The following PGM2 variants were observed in gnomAD, a reference collection of about 807,000 sequenced individuals.
PGM2 encodes phosphoglucomutase 2.
A neutral mutation model predicts 74.6 loss-of-function variants in PGM2; 57 were observed. The observed-to-expected ratio is 0.76, with a 90% CI of 0.62 to 0.95. The LOEUF (loss-of-function observed/expected upper bound fraction) is 0.95, where lower values mean the gene tolerates loss of function less well. PGM2 is among the 40% of genes least tolerant of loss of function. PGM2 has a pLI of 0.00. For synonymous variants in PGM2, 273 were observed against 260.7 expected, an observed-to-expected ratio of 1.05 and a Z score of -0.46; for missense variants, 706 against 741.9, an observed-to-expected ratio of 0.95 and a Z score of 0.56.
At chr4:37,836,086 G>A (rs1485517870) in intron 3 of PGM2, among the ~76,000 whole-genome samples, 2 of 152,228 alleles carry the variant, frequency 1.3e-5, no homozygotes, top group Admixed American at 6.5e-5. Context: ...GCTGAGCTGC[G>A]TAAATTTCTT....
intron 12 of PGM2, among the ~76,000 whole-genome samples, chr4:37,854,415 A>G (rs1726135160): frequency 6.6e-6 from 1 of 151,860 alleles, no homozygotes; most frequent in Admixed American, 6.6e-5. Context: ...CAGTGGCGCA[A>G]TCTCGGCTCA....
chr4:37,853,391 C>T (rs1274293592), intron 12 of PGM2, among the ~76,000 whole-genome samples: 2 of 126,560 alleles, frequency 1.6e-5, no homozygotes, highest in African/African-American at 6.2e-5. Context: ...TTAATGTAAA[C>T]AATATCTTAC....
chr4:37,845,802 G>A lies in PGM2; in HGVS notation c.1007+72G>A, dbSNP rs570447954. On this transcript the variant is annotated intron_variant, in intron 8 of 13. Coordinates refer to ENST00000381967, the MANE Select transcript of PGM2 (RefSeq NM_018290.4). Reference sequence around the variant, plus strand: ...ATCTCTTCATTGGTAAAATGTTTCTGGGGAGACGGGACCTATTTGGAAACA... The same window carrying A: ...ATCTCTTCATTGGTAAAATGTTTCTAGGGAGACGGGACCTATTTGGAAACA... The A allele has an allele frequency of 1.1e-4, 112 of 978,662 alleles. No individual in the cohort carries two copies. In the African/African-American group the frequency reaches 1.5e-3, roughly 13 times the overall value. 60.6% of individuals were successfully genotyped at this position (978,662 alleles called of 1,614,324 possible).
intron 10 of PGM2, among the ~76,000 whole-genome samples, chr4:37,848,247 T>C (rs1394852090): frequency 6.6e-6 from 1 of 152,218 alleles, no homozygotes; most frequent in Non-Finnish European, 1.5e-5. Flanking sequence ...CTAGGACAAT[T>C]AGAAACAATT....
chr4:37,843,601 A>T (rs970560002), intron 6 of PGM2, among the ~76,000 whole-genome samples: 4 of 147,490 alleles, frequency 2.7e-5, no homozygotes, highest in Non-Finnish European at 5.9e-5. Flanking sequence ...TTATTTATTT[A>T]TTATTATTAT....
Position 37,830,136 on chromosome 4 carries a change from C to T in PGM2, c.249+5C>T, listed in dbSNP as rs1246234807. ...ACCATCATCCAGACTACACAGGTACCATGTTTTTTATAATTCTTAGTAACT... is the reference window on the plus strand; with the variant it reads ...ACCATCATCCAGACTACACAGGTACTATGTTTTTTATAATTCTTAGTAACT... On this transcript the variant is annotated splice_donor_5th_base_variant and intron_variant, in intron 2 of 13. Transcript: ENST00000381967. The T allele has an allele frequency of 1.3e-6, 2 of 1,529,768 alleles. No homozygotes were observed. The highest frequency in any genetic ancestry group is 1.8e-6 in the Non-Finnish European group (2 of 1,139,400). The allele number at this position is 1,529,768 out of a possible 1,614,324, so 94.8% of individuals were successfully genotyped here. A position where few individuals can be genotyped will look rare whatever the true frequency, so the allele number is the denominator to read the frequency against.
intron 1 of PGM2, among the ~76,000 whole-genome samples, chr4:37,828,838 CT>C (rs1281866539): frequency 1.3e-5 from 2 of 152,142 alleles, no homozygotes; most frequent in Non-Finnish European, 2.9e-5. Context: ...CTGAGCCTTT[CT>C]TTGGGGCACC....
At position 37,855,676 on chromosome 4, in the gene PGM2, G is replaced by A. The variant is rs1275297234; in HGVS notation, c.1671G>A (p.Met557Ile). The A allele has an allele frequency of 2.5e-6, 4 of 1,613,788 alleles. No homozygotes were observed. The highest frequency in any genetic ancestry group is 2.7e-5 in the African/African-American group (2 of 74,926). ...TTGCTAATGGAGGCGTGGCCACCAT[G>A]CGCACCAGTGGGACAGAGCCCAAAA... ...FTFANGGVATMRTSGTEPKIK... is the reference protein window; with the variant it reads ...FTFANGGVATIRTSGTEPKIK... The change falls in exon 13 of 14, where the codon ATG becomes ATA. Residue 557 changes from methionine to isoleucine, a missense_variant. Met to Ile is a conservative substitution (Grantham distance 10). Transcript: ENST00000381967.
intron 13 of PGM2, among the ~76,000 whole-genome samples, chr4:37,858,042 A>G (rs1418080089): frequency 6.6e-6 from 1 of 152,112 alleles, no homozygotes. Flanking sequence ...TCTGATGAAA[A>G]TATATCTTAT....
At chr4:37,858,300 C>G (rs939013597) in intron 13 of PGM2, among the ~76,000 whole-genome samples, 4 of 151,950 alleles carry the variant, frequency 2.6e-5, no homozygotes, top group Non-Finnish European at 5.9e-5. Flanking sequence ...AAGGCACCAG[C>G]ATACCTAACG....
Position 37,848,506 on chromosome 4 carries a change from A to G in PGM2, c.1283-16A>G, listed in dbSNP as rs1266193648. On this transcript the variant is annotated splice_polypyrimidine_tract_variant and intron_variant, in intron 10 of 13. Coordinates refer to ENST00000381967, the MANE Select transcript of PGM2 (RefSeq NM_018290.4). Reference sequence around the variant, plus strand: ...ACAGTATTGTATAGATGTATGTATGACGTGTGTTTCTGCAGGATACATGTG... The same window carrying G: ...ACAGTATTGTATAGATGTATGTATGGCGTGTGTTTCTGCAGGATACATGTG... 6.2e-7 allele frequency: 1 copy of G among 1,608,450 alleles called. No individual in the cohort carries two copies. Among genetic ancestry groups the G allele is most frequent in the Admixed American group, 1.7e-5 (1 of 59,448 alleles).
intron 6 of PGM2, among the ~76,000 whole-genome samples, chr4:37,840,691 A>G (rs1284993352): frequency 6.6e-6 from 1 of 152,198 alleles, no homozygotes; most frequent in Non-Finnish European, 1.5e-5. Flanking sequence ...ACCCAGCTGC[A>G]TCTGATTTTA....
chr4:37,857,527 A>G (rs1199167835), intron 13 of PGM2, among the ~76,000 whole-genome samples: 1 of 152,222 alleles, frequency 6.6e-6, no homozygotes, highest in African/African-American at 2.4e-5. Context: ...ACGTGGACAC[A>G]AGGACTTAGA....
intron 6 of PGM2, among the ~76,000 whole-genome samples, 193 bp from the exon 7 acceptor site, chr4:37,844,167 ATAAC>A (rs1449078775): frequency 2.0e-5 from 3 of 152,220 alleles, no homozygotes; most frequent in African/African-American, 4.8e-5. Context: ...TTTGCTGAAA[ATAAC>A]TACAGAGTAG....
rs141011052 is a variant in PGM2 at position 37,842,090 on chromosome 4, T to C, written c.719+1831T>C. Among the ~76,000 whole-genome samples, 1,002 of 151,868 alleles carry C rather than the reference T, an allele frequency of 6.6e-3. 21 individuals are homozygous for C. The highest frequency in any genetic ancestry group is 0.023 in the African/African-American group (949 of 41,478). On this transcript the variant is annotated intron_variant, in intron 6 of 13. Transcript: ENST00000381967. ...TAATAGCTCACTTTTATTTGTATTC[T>C]TTAATTAACCTATATTTTCTATGTG...
intron 12 of PGM2, among the ~76,000 whole-genome samples, chr4:37,853,861 A>G (rs181830824): frequency 6.6e-6 from 1 of 152,224 alleles, no homozygotes; most frequent in Non-Finnish European, 1.5e-5. Context: ...GAGAATTTAA[A>G]CCATCTCCTG....
chr4:37,857,314 A>T (rs1172448091), intron 13 of PGM2, among the ~76,000 whole-genome samples: 9 of 152,218 alleles, frequency 5.9e-5, no homozygotes. Context: ...CTTTGCTCAT[A>T]GAAGAGTTTT....
chr4:37,850,090 A>G (rs1725995801), intron 11 of PGM2, 94 bp from the exon 12 acceptor site: 2 of 711,364 alleles, frequency 2.8e-6, no homozygotes, highest in Admixed American at 3.5e-5. Flanking sequence ...ACCCAGCCAT[A>G]TTTATTTTAG....
In PGM2 at chr4:37,831,192, C is replaced by CAAAA. The variant is rs11432971; in HGVS notation, c.249+1079_249+1082dup. 5.8e-3 allele frequency among the ~76,000 whole-genome samples: 432 copies of CAAAA among 73,994 alleles called. 25 individuals carry two copies. Among genetic ancestry groups the CAAAA allele is most frequent in the Non-Finnish European group, 7.3e-3 (297 of 40,938 alleles). The allele number at this position is 73,994 out of a possible 152,430, so 48.5% of individuals were successfully genotyped here. On this transcript the variant is annotated intron_variant, in intron 2 of 13. Coordinates refer to ENST00000381967, the MANE Select transcript of PGM2 (RefSeq NM_018290.4). ...TGGGCAACAGAGCAAGACTCTGTCT[C>CAAAA]AAAAAAAAAAAAAAAAAAAAAGAAT...
Sources: gnomAD v4.1 joint callset for allele counts (sites outside exome capture counted in the v4.1 genomes callset) on GRCh38, gnomAD v4.1.1 for gene constraint, MANE v1.5 for transcripts, NCBI Gene and HGNC (gene_info 2026-07-23, HGNC 2026-07-21) for gene names.